STK3: variants seen among roughly 807,000 people sequenced by gnomAD.
STK3 encodes serine/threonine kinase 3.
In STK3, 41 loss-of-function variants were observed where a neutral mutation model predicts 58.0. The ratio of observed to expected loss-of-function variants is 0.71; its 90% CI spans 0.55 to 0.92. The LOEUF (loss-of-function observed/expected upper bound fraction) is 0.92. Ranked by LOEUF, STK3 falls within the 40% of genes least tolerant of loss-of-function variation. The pLI is 0.00. For missense variants in STK3, 479 were observed against 602.7 expected, an observed-to-expected ratio of 0.79 and a Z score of 2.15; for synonymous variants, 170 against 191.0, an observed-to-expected ratio of 0.89 and a Z score of 0.91.
intron 4 of STK3, among the ~76,000 whole-genome samples, chr8:98,739,066 C>A (rs975989272): frequency 7.2e-5 from 11 of 152,234 alleles, no homozygotes; most frequent in African/African-American, 2.7e-4. Context: ...CCCAAGCTTG[C>A]TTAGGTAAAC....
At chr8:98,405,074 G>A (rs1817980395) in intron 3 of STK3, among the ~76,000 whole-genome samples, 1 of 152,150 alleles carries the variant, frequency 6.6e-6, no homozygotes, top group African/African-American at 2.4e-5. Flanking sequence ...GGCCCTTGTA[G>A]CTATGTAGCC....
chr8:98,889,911 A>G (rs1390823694), intron 1 of STK3: 3 of 152,218 alleles, frequency 2.0e-5, no homozygotes, highest in Non-Finnish European at 2.9e-5. Context: ...ATCTATCAAG[A>G]AAGAAGGCAC....
intron 3 of STK3, among the ~76,000 whole-genome samples, chr8:98,854,718 G>A (rs1356660339): frequency 6.6e-6 from 1 of 152,082 alleles, no homozygotes; most frequent in African/African-American, 2.4e-5. Context: ...TGAATAAAAT[G>A]TCCCATGTTC....
intron 1 of STK3, chr8:98,782,085 C>T (rs972605398): frequency 2.6e-5 from 6 of 234,948 alleles, no homozygotes; most frequent in East Asian, 1.0e-4. Flanking sequence ...TAGTGTCCTC[C>T]GCTGTGGCAA....
intron 8 of STK3, among the ~76,000 whole-genome samples, chr8:98,575,457 A>T (rs144856958): frequency 6.6e-6 from 1 of 151,178 alleles, no homozygotes; most frequent in African/African-American, 2.4e-5. Context: ...TCTATCTAGT[A>T]TCACAGCATT....
At chr8:98,701,330 T>C (rs1825595684) in intron 6 of STK3, among the ~76,000 whole-genome samples, 1 of 152,128 alleles carries the variant, frequency 6.6e-6, no homozygotes, top group Admixed American at 6.5e-5. Flanking sequence ...TATACATACT[T>C]CCTAAGGCTG....
intron 10 of STK3, among the ~76,000 whole-genome samples, chr8:98,503,810 G>C (rs969303958): frequency 2.0e-5 from 3 of 151,850 alleles, no homozygotes; most frequent in Non-Finnish European, 4.4e-5. Flanking sequence ...CTGAGGAATG[G>C]TTTACTTCCA....
chr8:98,468,745 G>A (rs1243063465), intron 10 of STK3, among the ~76,000 whole-genome samples: 1 of 152,152 alleles, frequency 6.6e-6, no homozygotes, highest in East Asian at 1.9e-4. Context: ...TCTGAATTGG[G>A]GAAAGGACAA....
intron 6 of STK3, among the ~76,000 whole-genome samples, chr8:98,682,850 C>G (rs1397920341): frequency 6.6e-6 from 1 of 151,966 alleles, no homozygotes; most frequent in Non-Finnish European, 1.5e-5. Context: ...AATACCTGCC[C>G]TCAGTATACC....
intron 10 of STK3, among the ~76,000 whole-genome samples, chr8:98,484,864 T>C (rs1430313221): frequency 1.3e-5 from 2 of 152,188 alleles, no homozygotes; most frequent in African/African-American, 4.8e-5. Flanking sequence ...TATTACAGCA[T>C]ACAAAATACT....
chr8:98,910,201 T>C (rs1251236680), intron 1 of STK3, among the ~76,000 whole-genome samples: 1 of 152,252 alleles, frequency 6.6e-6, no homozygotes, highest in Non-Finnish European at 1.5e-5. Context: ...TTTGTCTTTT[T>C]TATTGAGTTG....
chr8:98,734,373 C>G (rs1181600794), intron 4 of STK3, among the ~76,000 whole-genome samples: 1 of 152,092 alleles, frequency 6.6e-6, no homozygotes, highest in African/African-American at 2.4e-5. Context: ...GTAGAAGAAC[C>G]AAAACTAAAA....
intron 3 of STK3, among the ~76,000 whole-genome samples, chr8:98,422,513 T>A (rs935539599): frequency 4.6e-5 from 7 of 152,092 alleles, no homozygotes; most frequent in Non-Finnish European, 8.8e-5. Flanking sequence ...TCAAAACGGC[T>A]CAAGAGGGGA....
intron 10 of STK3, among the ~76,000 whole-genome samples, chr8:98,459,914 G>A (rs1330786402): frequency 2.0e-5 from 3 of 152,236 alleles, no homozygotes; most frequent in African/African-American, 7.2e-5. Context: ...AGCCCTCAAA[G>A]AGAACTTCTG....
At chr8:98,563,225 T>C (rs866832833) in intron 8 of STK3, among the ~76,000 whole-genome samples, 18 of 152,104 alleles carry the variant, frequency 1.2e-4, no homozygotes, top group Admixed American at 4.6e-4. Flanking sequence ...GAAACCACTA[T>C]ACATGTATAC....
chr8:98,871,994 C>T (rs1189932925), intron 3 of STK3, among the ~76,000 whole-genome samples: 2 of 152,024 alleles, frequency 1.3e-5, no homozygotes, highest in African/African-American at 2.4e-5. Flanking sequence ...ATAAATAGCT[C>T]TTATTATTTT....
intron 6 of STK3, among the ~76,000 whole-genome samples, chr8:98,648,595 T>C (rs1373866929): frequency 1.3e-5 from 2 of 152,178 alleles, no homozygotes; most frequent in Admixed American, 1.3e-4. Context: ...TAATTTTGGA[T>C]ATATGATGAT....
intron 1 of STK3, among the ~76,000 whole-genome samples, chr8:98,938,061 T>C (rs1208291122): frequency 6.6e-6 from 1 of 152,212 alleles, no homozygotes; most frequent in Non-Finnish European, 1.5e-5. Context: ...AATACTTTTG[T>C]ACAATTTATG....
At chr8:98,625,670 A>T (rs181104127) in intron 6 of STK3, among the ~76,000 whole-genome samples, 1 of 152,334 alleles carries the variant, frequency 6.6e-6, no homozygotes, top group Non-Finnish European at 1.5e-5. Context: ...TTGGCTTAAA[A>T]ATTGAAACGA....
Sources: allele counts gnomAD v4.1 joint callset (sites outside exome capture counted in the v4.1 genomes callset), GRCh38; gene constraint gnomAD v4.1.1; transcripts MANE v1.5; gene names NCBI Gene and HGNC (gene_info 2026-07-23, HGNC 2026-07-21).